The following NEK1 variants were observed in gnomAD, a reference collection of about 807,000 sequenced individuals.
NEK1 encodes NIMA related kinase 1, also known as serine/threonine-protein kinase Nek1.
NEK1 carries 137 observed loss-of-function variants against 182.1 expected under a neutral mutation model. The observed-to-expected ratio is 0.75, with a 90% CI of 0.65 to 0.87. The LOEUF (loss-of-function observed/expected upper bound fraction) is 0.87, where lower values mean the gene tolerates loss of function less well. Among genes scored for constraint, NEK1 ranks in the 40% least tolerant of loss-of-function variants. NEK1 has a pLI of 0.00. For synonymous variants in NEK1, 513 were observed against 492.2 expected (o/e 1.04, Z -0.56); for missense variants, 1,391 against 1,494.4 (o/e 0.93, Z 1.14).
At chr4:169,494,830 G>C (rs999049918) in intron 23 of NEK1, among the ~76,000 whole-genome samples, 2 of 152,118 alleles carry the variant, frequency 1.3e-5, no homozygotes, top group Admixed American at 6.5e-5. Flanking sequence ...GTTTTGATTT[G>C]CATTTCTCTG....
chr4:169,418,139 T>C (rs1355095355), intron 31 of NEK1, among the ~76,000 whole-genome samples: 5 of 152,262 alleles, frequency 3.3e-5, no homozygotes, highest in Non-Finnish European at 5.9e-5. Flanking sequence ...AGGGAGGTGT[T>C]TCCTCAAGAT....
intron 12 of NEK1, among the ~76,000 whole-genome samples, chr4:169,562,469 A>G (rs1040992330): frequency 2.0e-5 from 3 of 152,110 alleles, no homozygotes; most frequent in Admixed American, 2.0e-4. Context: ...AAGTTTTCCA[A>G]TATTATCATA....
intron 29 of NEK1, among the ~76,000 whole-genome samples, chr4:169,428,899 AAT>A (rs1191554554): frequency 2.0e-5 from 3 of 152,110 alleles, no homozygotes; most frequent in Admixed American, 6.6e-5. Flanking sequence ...TCCATTAATC[AAT>A]GTTTTAGACA....
chr4:169,409,245 C>T (rs553010648), intron 31 of NEK1, among the ~76,000 whole-genome samples: 235 of 152,026 alleles, frequency 1.5e-3, no homozygotes, highest in Non-Finnish European at 2.6e-3. Flanking sequence ...CCCGGGTTCA[C>T]GCCATTCTCT....
intron 5 of NEK1, 149 bp from the exon 6 acceptor site, chr4:169,590,958 T>G: frequency 1.7e-6 from 1 of 599,108 alleles, no homozygotes; most frequent in Non-Finnish European, 2.9e-6. Flanking sequence ...AAATAGATAT[T>G]CAAGTCAACA....
intron 27 of NEK1, among the ~76,000 whole-genome samples, chr4:169,448,000 C>T (rs986304357): frequency 6.6e-6 from 1 of 151,852 alleles, no homozygotes; most frequent in Non-Finnish European, 1.5e-5. Context: ...GCCTGGGCAA[C>T]ATGCAACATG....
rs1032792680 is a variant in NEK1, at chr4:169,537,849, C to T, written c.1625G>A (p.Arg542Gln). 34 of 1,612,138 alleles carry T rather than the reference C, an allele frequency of 2.1e-5. No individual in the cohort carries two copies. The highest frequency in any genetic ancestry group is 2.7e-5 in the Non-Finnish European group (32 of 1,178,944). Residue 542 changes from arginine (R) to glutamine (Q), a missense_variant, in exon 19 of 36, where the codon CGG (arginine) becomes CAG (glutamine). Coordinates refer to ENST00000507142, the MANE Select transcript of NEK1 (RefSeq NM_001199397.3). ...KQVEEFLQRKREAMQNKARAE... is the reference protein window; with the variant it reads ...KQVEEFLQRKQEAMQNKARAE... The stretch of plus-strand genomic sequence containing the variant: ...TCGAGCTTTATTCTGCATAGCTTCC[C>T]GTTTTCGCTGCAGGAACTCTTCTAC...
intron 28 of NEK1, among the ~76,000 whole-genome samples, chr4:169,435,419 AATG>A (rs1738226166): frequency 6.6e-6 from 1 of 152,230 alleles, no homozygotes; most frequent in South Asian, 2.1e-4. Flanking sequence ...TTCGTTCCAT[AATG>A]ATACTAGTAA....
rs1014413517 is a variant in NEK1, at chr4:169,463,232, T to G, written c.2587+11A>C. 7.0e-7 allele frequency: 1 copy of G among 1,438,262 alleles called. No homozygotes were observed. The highest frequency in any genetic ancestry group is 9.2e-7 in the Non-Finnish European group (1 of 1,086,870). 89.1% of individuals were successfully genotyped at this position (1,438,262 alleles called of 1,614,324 possible). On this transcript the variant is annotated intron_variant, in intron 27 of 35. Coordinates refer to ENST00000507142, the MANE Select transcript of NEK1 (RefSeq NM_001199397.3). Reference sequence around the variant, plus strand: ...ACTTCTAGTATAGAAAAACTACCAGTTTCTCCTTACCACTTCTAATAGTTG... The same window carrying G: ...ACTTCTAGTATAGAAAAACTACCAGGTTCTCCTTACCACTTCTAATAGTTG...
intron 35 of NEK1, among the ~76,000 whole-genome samples, chr4:169,399,302 C>T (rs150456242): frequency 4.0e-5 from 6 of 148,444 alleles, no homozygotes; most frequent in Admixed American, 6.7e-5. Flanking sequence ...TAGGGCCAGG[C>T]GCAGTGGCTC....
At position 169,495,489 on chromosome 4, in the gene NEK1, G is replaced by A. The variant is rs1188037895; in HGVS notation, c.2007+11548C>T. 7.9e-5 allele frequency among the ~76,000 whole-genome samples: 12 copies of A among 152,106 alleles called. No homozygotes were observed. In the East Asian group the frequency reaches 1.4e-3, roughly 17 times the overall value. ...GATCTCCTGACCTCGTGATCCGCCCGTCTCGGCCTCCCAAAGTGCTGGGAT... is the reference window on the plus strand; with the variant it reads ...GATCTCCTGACCTCGTGATCCGCCCATCTCGGCCTCCCAAAGTGCTGGGAT... On this transcript the variant is annotated intron_variant, in intron 23 of 35. Coordinates refer to ENST00000507142, the MANE Select transcript of NEK1 (RefSeq NM_001199397.3).
intron 5 of NEK1, among the ~76,000 whole-genome samples, chr4:169,591,104 G>T (rs1242002757): frequency 2.0e-5 from 3 of 151,546 alleles, no homozygotes; most frequent in Non-Finnish European, 4.4e-5. Context: ...AGACAAACAG[G>T]TGATTCTTCT....
At chr4:169,428,010 T>TG (rs1359418445) in intron 29 of NEK1, among the ~76,000 whole-genome samples, 1 of 145,942 alleles carries the variant, frequency 6.9e-6, no homozygotes, top group African/African-American at 2.5e-5. Context: ...TCTGTAGAGG[T>TG]GGGGTCTTGC....
At chr4:169,588,485 CT>C (rs1767888189) in intron 8 of NEK1, among the ~76,000 whole-genome samples, 163 bp downstream of exon 8, 1 of 151,990 alleles carries the variant, frequency 6.6e-6, no homozygotes, top group Non-Finnish European at 1.5e-5. Flanking sequence ...AATCAAATAG[CT>C]TTTTTACAAT....
At chr4:169,453,261 C>T (rs1390709477) in intron 27 of NEK1, among the ~76,000 whole-genome samples, 2 of 152,174 alleles carry the variant, frequency 1.3e-5, no homozygotes, top group Non-Finnish European at 2.9e-5. Flanking sequence ...AGATTCAATG[C>T]CATTCCCATC....
intron 18 of NEK1, among the ~76,000 whole-genome samples, chr4:169,539,808 T>C (rs918930110): frequency 1.4e-4 from 21 of 152,132 alleles, no homozygotes; most frequent in African/African-American, 5.1e-4. Context: ...GTGATCTCTC[T>C]GCTGTGTATC....
rs1471304658 is a variant in NEK1, at chr4:169,612,489, G to A, written c.-440C>T. ...CCACGTGCTCCTGCCTCGCAACAGCGGCTCTAGATTCCGAGTTATGGGGAC... is the reference window on the plus strand; with the variant it reads ...CCACGTGCTCCTGCCTCGCAACAGCAGCTCTAGATTCCGAGTTATGGGGAC... On this transcript the variant is annotated 5_prime_UTR_variant, in exon 1 of 36. Transcript: ENST00000507142. The A allele has an allele frequency of 6.6e-6, 1 of 152,324 alleles. No homozygotes were observed. Among genetic ancestry groups the A allele is most frequent in the Non-Finnish European group, 1.5e-5 (1 of 68,254 alleles). 9.4% of individuals were successfully genotyped at this position (152,324 alleles called of 1,614,324 possible).
rs1216522849 is a variant in NEK1, at chr4:169,572,043, C to T, written c.1020+4885G>A. On this transcript the variant is annotated intron_variant, in intron 12 of 35. Transcript: ENST00000507142. ...ACAGGCAGGAGCCACCGGGCCCGGC[C>T]GACCCTGGCTTTTACTGAGTGGGAT... Among the ~76,000 whole-genome samples the T allele has an allele frequency of 3.3e-5, 5 of 151,886 alleles. No individual in the cohort carries two copies. In the East Asian group the frequency reaches 7.7e-4, roughly 24 times the overall value.
chr4:169,458,947 T>G (rs1434859008), intron 27 of NEK1, among the ~76,000 whole-genome samples: 1 of 152,052 alleles, frequency 6.6e-6, no homozygotes, highest in African/African-American at 2.4e-5. Context: ...TTTGGAACAT[T>G]GTTATAATGC....
Sources: allele counts gnomAD v4.1 joint callset (sites outside exome capture counted in the v4.1 genomes callset), GRCh38; gene constraint gnomAD v4.1.1; transcripts MANE v1.5; gene names NCBI Gene and HGNC (gene_info 2026-07-23, HGNC 2026-07-21).